MAD1L1: variants seen among roughly 807,000 people sequenced by gnomAD.
MAD1L1 encodes the protein mitotic arrest deficient 1 like 1.
In MAD1L1, 95 loss-of-function variants were observed where a neutral mutation model predicts 96.9. That is an observed-to-expected ratio of 0.98 (90% confidence interval 0.83 to 1.16). The LOEUF (loss-of-function observed/expected upper bound fraction) is 1.16, where lower values mean the gene tolerates loss of function less well. MAD1L1 is among the 50% of genes most tolerant of loss of function. MAD1L1 has a pLI of 0.00. For synonymous variants in MAD1L1, 473 were observed against 396.6 expected, an observed-to-expected ratio of 1.19 and a Z score of -2.29; for missense variants, 1,007 against 954.4, an observed-to-expected ratio of 1.06 and a Z score of -0.73.
chr7:2,112,217 G>C (rs967331281), intron 11 of MAD1L1, among the ~76,000 whole-genome samples: 12 of 152,184 alleles, frequency 7.9e-5, no homozygotes, highest in Non-Finnish European at 1.3e-4. Flanking sequence ...GGGGAGTCTG[G>C]GGTGGTGGGG....
intron 15 of MAD1L1, among the ~76,000 whole-genome samples, chr7:1,963,310 A>G (rs1249673535): frequency 2.0e-5 from 3 of 152,200 alleles, no homozygotes; most frequent in African/African-American, 7.2e-5. Context: ...GCTGCGTGGA[A>G]GAAGCAAAAA....
chr7:2,039,328 C>T (rs1225218412), intron 12 of MAD1L1, among the ~76,000 whole-genome samples: 1 of 152,224 alleles, frequency 6.6e-6, no homozygotes, highest in Non-Finnish European at 1.5e-5. Context: ...TAGGAAGAGT[C>T]CTCTGTCGGG....
intron 13 of MAD1L1, 67 bp downstream of exon 13, chr7:2,014,435 C>G: frequency 6.7e-7 from 1 of 1,489,302 alleles, no homozygotes; most frequent in Non-Finnish European, 8.9e-7. Flanking sequence ...CCGCCGCAGG[C>G]TCTGCCAAGG....
At chr7:2,094,722 G>A (rs534833387) in intron 11 of MAD1L1, among the ~76,000 whole-genome samples, 1 of 152,298 alleles carries the variant, frequency 6.6e-6, no homozygotes, top group African/African-American at 2.4e-5. Flanking sequence ...CCCGGGGCAG[G>A]AGCACAGCTC....
rs960877799 is a variant in MAD1L1 at position 1,934,297 on chromosome 7, G to A, written c.1807+2390C>T. On this transcript the variant is annotated intron_variant, in intron 17 of 18. Transcript: ENST00000265854. ...CCCCACTCCCAATCAGCCATGGCCC[G>A]GGCACCTGTCACAGCCAGATGCCGA... Among the ~76,000 whole-genome samples the A allele has an allele frequency of 2.7e-4, 41 of 152,278 alleles. No homozygotes were observed. The East Asian group carries it at 3.5e-3, about 13-fold the overall frequency.
At chr7:2,003,131 C>T (rs1420988503) in intron 13 of MAD1L1, among the ~76,000 whole-genome samples, 1 of 8,832 alleles carries the variant, frequency 1.1e-4, no homozygotes, top group Admixed American at 2.2e-3. Flanking sequence ...GTGGGATCTG[C>T]GGGGTGGAGG....
chr7:1,986,332 G>A (rs535895962), intron 14 of MAD1L1, among the ~76,000 whole-genome samples: 2 of 29,436 alleles, frequency 6.8e-5, no homozygotes, highest in East Asian at 6.3e-4. Flanking sequence ...GGAACCACAC[G>A]CCAGTCCAGC....
intron 13 of MAD1L1, among the ~76,000 whole-genome samples, chr7:2,014,244 C>T (rs1307675479): frequency 1.3e-5 from 2 of 152,194 alleles, no homozygotes; most frequent in Non-Finnish European, 2.9e-5. Context: ...GGGGCACTGT[C>T]CCTCTGTCAT....
chr7:2,000,228 T>C (rs1446164417), intron 14 of MAD1L1, among the ~76,000 whole-genome samples: 1 of 152,026 alleles, frequency 6.6e-6, no homozygotes. Context: ...TCACGCTCTC[T>C]ACCTCACCTG....
intron 11 of MAD1L1, among the ~76,000 whole-genome samples, chr7:2,095,694 C>T (rs780734322): frequency 3.3e-5 from 5 of 152,198 alleles, no homozygotes; most frequent in Non-Finnish European, 5.9e-5. Context: ...CTGCCTACTG[C>T]GAGAGGGGCA....
At chr7:1,894,600 T>C (rs1386783965) in intron 18 of MAD1L1, among the ~76,000 whole-genome samples, 1 of 151,976 alleles carries the variant, frequency 6.6e-6, no homozygotes, top group Non-Finnish European at 1.5e-5. Flanking sequence ...GCATGCCCAG[T>C]GTCAGCCCTC....
In MAD1L1 at chr7:2,146,337, G is replaced by A. The variant is rs1040945739; in HGVS notation, c.1073+2815C>T. Reference sequence around the variant, plus strand: ...GCTACGAGGAACAGGGCACCGCCTCGAAGAGGGAGCACCGGGCACTGGGCT... The same window carrying A: ...GCTACGAGGAACAGGGCACCGCCTCAAAGAGGGAGCACCGGGCACTGGGCT... On this transcript the variant is annotated intron_variant, in intron 11 of 18. Coordinates refer to ENST00000265854, the MANE Select transcript of MAD1L1 (RefSeq NM_001013836.2). The surrounding 1 kb of genome is among the most constrained non-coding windows in gnomAD (Gnocchi z 6.2). Among the ~76,000 whole-genome samples, 2 of 150,568 alleles carry A rather than the reference G, an allele frequency of 1.3e-5. No individual in the cohort carries two copies. The highest frequency in any genetic ancestry group is 2.0e-4 in the East Asian group (1 of 5,088).
chr7:2,060,598 C>T (rs77296657), intron 12 of MAD1L1, among the ~76,000 whole-genome samples: 1,602 of 152,222 alleles, frequency 0.011, 25 homozygotes, highest in African/African-American at 0.037. Context: ...GAGGCAACGA[C>T]GACAGCATGG....
chr7:1,878,158 A>T (rs1464382612), intron 18 of MAD1L1, among the ~76,000 whole-genome samples: 1 of 152,330 alleles, frequency 6.6e-6, no homozygotes, highest in Non-Finnish European at 1.5e-5. Context: ...TTCTATATCT[A>T]TTAAATTAAA....
intron 17 of MAD1L1, among the ~76,000 whole-genome samples, chr7:1,929,568 T>C (rs1460865383): frequency 6.6e-6 from 1 of 152,202 alleles, no homozygotes; most frequent in African/African-American, 2.4e-5. Context: ...GAGCAGGGAC[T>C]CAGATCCCCG....
At chr7:2,183,708 C>T (rs910957504) in intron 10 of MAD1L1, among the ~76,000 whole-genome samples, 3 of 151,588 alleles carry the variant, frequency 2.0e-5, no homozygotes, top group Non-Finnish European at 2.9e-5. Context: ...ACAATGAGAA[C>T]ACATGGACAC....
chr7:1,911,280 G>A (rs1007686135), intron 17 of MAD1L1, among the ~76,000 whole-genome samples: 21 of 152,088 alleles, frequency 1.4e-4, no homozygotes, highest in Non-Finnish European at 2.4e-4. Context: ...TTCTTTACTA[G>A]AGTCCAAATT....
At chr7:2,161,786 G>A (rs1307682877) in intron 10 of MAD1L1, among the ~76,000 whole-genome samples, 1 of 150,106 alleles carries the variant, frequency 6.7e-6, no homozygotes, top group African/African-American at 2.5e-5. Context: ...GAGTGCCTCT[G>A]CCCCACCGCC....
At chr7:1,894,917 G>C (rs991233338) in intron 18 of MAD1L1, among the ~76,000 whole-genome samples, 1 of 152,140 alleles carries the variant, frequency 6.6e-6, no homozygotes, top group Non-Finnish European at 1.5e-5. Flanking sequence ...CCAGCAGTGG[G>C]GGAGAAACAC....
Sources: allele counts gnomAD v4.1 joint callset (sites outside exome capture counted in the v4.1 genomes callset), GRCh38; gene constraint gnomAD v4.1.1; non-coding constraint Gnocchi (gnomAD v3.1); transcripts MANE v1.5; gene names NCBI Gene and HGNC (gene_info 2026-07-23, HGNC 2026-07-21).